ROBO1: variants seen among roughly 807,000 people sequenced by gnomAD.
ROBO1 encodes roundabout homolog 1.
Under a neutral mutation model 195.9 loss-of-function variants are expected in ROBO1, and 149 were observed. That is an observed-to-expected ratio of 0.76 (90% CI 0.67 to 0.87). ROBO1 has a LOEUF of 0.87. Ranked by LOEUF, ROBO1 falls within the 40% of genes least tolerant of loss-of-function variation. The pLI, the probability that ROBO1 is intolerant of heterozygous loss-of-function variation, is 0.00. For synonymous variants in ROBO1, 816 were observed against 733.2 expected (o/e 1.11, Z -1.82); for missense variants, 1,933 against 2,068.3 (o/e 0.93, Z 1.27).
intron 10 of ROBO1, among the ~76,000 whole-genome samples, chr3:78,672,491 C>T (rs535217830): frequency 1.1e-3 from 168 of 150,380 alleles, no homozygotes; most frequent in African/African-American, 3.8e-3. Flanking sequence ...ACTTGACAGA[C>T]TGAGGTGGGA....
chr3:78,871,207 T>A (rs1010044431), intron 4 of ROBO1, among the ~76,000 whole-genome samples: 1 of 152,142 alleles, frequency 6.6e-6, no homozygotes, highest in Admixed American at 6.6e-5. Flanking sequence ...TGGAGAGGGA[T>A]GGAGAGCGGC....
chr3:79,510,104 G>A (rs1042043622), intron 2 of ROBO1, among the ~76,000 whole-genome samples: 1 of 152,154 alleles, frequency 6.6e-6, no homozygotes, highest in African/African-American at 2.4e-5. Flanking sequence ...AGGAAATGGG[G>A]GCATTAAGAT....
intron 2 of ROBO1, among the ~76,000 whole-genome samples, chr3:79,357,217 A>T (rs13096628): frequency 0.02 from 3,072 of 152,216 alleles, 44 homozygotes; most frequent in Non-Finnish European, 0.033. Flanking sequence ...CCTGACTCTA[A>T]CAAGTCATGA....
chr3:78,785,470 G>C (rs1036482905), intron 4 of ROBO1, among the ~76,000 whole-genome samples: 1 of 152,076 alleles, frequency 6.6e-6, no homozygotes, highest in Non-Finnish European at 1.5e-5. Context: ...ACTGTAGGCT[G>C]CTTATTTGAT....
intron 3 of ROBO1, among the ~76,000 whole-genome samples, chr3:78,967,891 A>AAC (rs1405593178): frequency 5.1e-4 from 78 of 152,208 alleles, no homozygotes; most frequent in Non-Finnish European, 8.1e-4. Flanking sequence ...AACTGGCTAT[A>AAC]TAGTTAAGGT....
At chr3:79,761,950 G>C (rs1377113430) in intron 1 of ROBO1, among the ~76,000 whole-genome samples, 1 of 152,098 alleles carries the variant, frequency 6.6e-6, no homozygotes, top group Non-Finnish European at 1.5e-5. Flanking sequence ...TTCTATTGTA[G>C]TAATTCTGAT....
chr3:79,140,374 T>A (rs1234482699), intron 2 of ROBO1, among the ~76,000 whole-genome samples: 1 of 152,132 alleles, frequency 6.6e-6, no homozygotes, highest in South Asian at 2.1e-4. Context: ...TATAGTGTAA[T>A]GTTTAGGAGC....
chr3:79,087,893 A>G (rs1307715569), intron 3 of ROBO1, among the ~76,000 whole-genome samples: 1 of 152,128 alleles, frequency 6.6e-6, no homozygotes, highest in Non-Finnish European at 1.5e-5. Flanking sequence ...CTTTCTAAAG[A>G]CTTGTTAATT....
intron 15 of ROBO1, among the ~76,000 whole-genome samples, chr3:78,661,720 G>A (rs768357066): frequency 2.6e-5 from 4 of 152,180 alleles, no homozygotes; most frequent in African/African-American, 4.8e-5. Flanking sequence ...ATGTAATAAT[G>A]ATCCTATCAC....
At chr3:79,293,130 T>C (rs568861162) in intron 2 of ROBO1, among the ~76,000 whole-genome samples, 8 of 152,338 alleles carry the variant, frequency 5.3e-5, no homozygotes, top group South Asian at 2.1e-4. Context: ...CAGGAATTTA[T>C]CCATTTCATC....
chr3:79,627,816 C>G (rs1945223590), intron 1 of ROBO1, among the ~76,000 whole-genome samples: 1 of 151,980 alleles, frequency 6.6e-6, no homozygotes, highest in Admixed American at 6.6e-5. Context: ...AAAAAGCAAC[C>G]CCATCAAAAA....
intron 2 of ROBO1, among the ~76,000 whole-genome samples, chr3:79,279,273 AT>A (rs1031149217): frequency 2.6e-5 from 4 of 152,180 alleles, no homozygotes; most frequent in African/African-American, 7.2e-5. Context: ...TCTAAAAAAA[AT>A]AAACAAACAA....
At chr3:79,433,126 G>C (rs879927635) in intron 2 of ROBO1, among the ~76,000 whole-genome samples, 3 of 152,024 alleles carry the variant, frequency 2.0e-5, no homozygotes, top group Non-Finnish European at 4.4e-5. Context: ...CATCACCTAG[G>C]TATTAAGGCC....
intron 3 of ROBO1, among the ~76,000 whole-genome samples, chr3:79,117,998 T>A (rs2080039482): frequency 6.6e-6 from 1 of 152,062 alleles, no homozygotes; most frequent in Non-Finnish European, 1.5e-5. Flanking sequence ...ATGAAGACAA[T>A]AATTGCCATA....
intron 3 of ROBO1, among the ~76,000 whole-genome samples, chr3:79,105,608 T>C (rs1275008098): frequency 6.6e-6 from 1 of 151,730 alleles, no homozygotes; most frequent in African/African-American, 2.4e-5. Context: ...TGAATAGTAA[T>C]AGAGAAAGGA....
At chr3:79,625,100 C>A (rs1945127071) in intron 1 of ROBO1, among the ~76,000 whole-genome samples, 1 of 151,936 alleles carries the variant, frequency 6.6e-6, no homozygotes, top group Non-Finnish European at 1.5e-5. Flanking sequence ...TGAATGAATC[C>A]TGGGTAAATA....
intron 2 of ROBO1, among the ~76,000 whole-genome samples, chr3:79,575,283 T>A (rs868122117): frequency 1.7e-5 from 2 of 120,180 alleles, no homozygotes; most frequent in East Asian, 2.2e-4. Flanking sequence ...AATATATATA[T>A]AAATATATAT....
chr3:78,828,543 A>G (rs1257433747), intron 4 of ROBO1, among the ~76,000 whole-genome samples: 2 of 152,240 alleles, frequency 1.3e-5, no homozygotes, highest in Admixed American at 1.3e-4. Context: ...CATCATAGAA[A>G]TGGGATAATG....
intron 19 of ROBO1, among the ~76,000 whole-genome samples, chr3:78,648,512 G>A (rs1275142106): frequency 6.6e-6 from 1 of 151,750 alleles, no homozygotes; most frequent in African/African-American, 2.4e-5. Context: ...GCCTGAAATT[G>A]AACCGCAGAC....
Sources: gnomAD v4.1 joint callset for allele counts (sites outside exome capture counted in the v4.1 genomes callset) on GRCh38, gnomAD v4.1.1 for gene constraint, MANE v1.5 for transcripts, NCBI Gene and HGNC (gene_info 2026-07-23, HGNC 2026-07-21) for gene names.